ABCC1: variants seen among roughly 807,000 people sequenced by gnomAD.
The protein encoded by ABCC1 is ATP binding cassette subfamily C member 1 (ABCC1 blood group).
A neutral mutation model predicts 172.9 loss-of-function variants in ABCC1; 83 were observed. The observed-to-expected ratio is 0.48, with a 90% confidence interval of 0.40 to 0.58. The LOEUF is 0.58. Ranked by LOEUF, ABCC1 falls within the 20% of genes least tolerant of loss-of-function variation. ABCC1 has a pLI of 0.00. For synonymous variants in ABCC1, 937 were observed against 825.2 expected (o/e 1.14, Z -2.32); for missense variants, 1,817 against 2,002.7 (o/e 0.91, Z 1.77).
intron 1 of ABCC1, among the ~76,000 whole-genome samples, chr16:15,967,338 G>C (rs1237270373): frequency 6.6e-6 from 1 of 152,056 alleles, no homozygotes; most frequent in Non-Finnish European, 1.5e-5. Context: ...TCTGTCTGTA[G>C]GGTGGCCAGG....
intron 5 of ABCC1, among the ~76,000 whole-genome samples, chr16:16,023,460 A>G (rs1387754206): frequency 6.6e-6 from 1 of 152,176 alleles, no homozygotes; most frequent in Non-Finnish European, 1.5e-5. Flanking sequence ...CCCCTTCATG[A>G]TCAGTCTCTG....
chr16:16,132,021 C>G, intron 27 of ABCC1, 86 bp downstream of exon 27: 1 of 1,517,476 alleles, frequency 6.6e-7, no homozygotes, highest in Admixed American at 1.9e-5. Flanking sequence ...GCAGCGTCTC[C>G]CCAGTCACTC....
At chr16:16,065,513 A>G (rs2050078089) in intron 12 of ABCC1, among the ~76,000 whole-genome samples, 1 of 148,188 alleles carries the variant, frequency 6.7e-6, no homozygotes, top group South Asian at 2.2e-4. Context: ...GCTCACTGCA[A>G]CCTCCACCTC....
rs1487777584 is a variant in ABCC1 at position 16,114,812 on chromosome 16, C to A, written c.3126C>A (p.Ile1042=). The change falls in exon 23 of 31, where the codon ATC becomes ATA. Residue 1042 remains isoleucine, a synonymous_variant. Transcript: ENST00000399410. The part of the protein sequence containing the change: ...GYSMAVSIGG[I]LASRCLHVDL... ...CCATGGCCGTGTCCATCGGGGGGAT[C>A]TTGGCTTCCCGCTGTCTGCACGTGG... The A allele has an allele frequency of 6.2e-6, 10 of 1,608,908 alleles. No individual in the cohort carries two copies. Among genetic ancestry groups the A allele is most frequent in the Non-Finnish European group, 8.5e-6 (10 of 1,175,588 alleles).
chr16:16,026,488 TGCCAGTGAAGGGGGGACCC>T (rs2048379368), intron 5 of ABCC1, among the ~76,000 whole-genome samples: 1 of 130,662 alleles, frequency 7.7e-6, no homozygotes, highest in Non-Finnish European at 1.6e-5. Flanking sequence ...TTTTTTTTTT[TGCCAGTGAAGGGGGGACCC>T]TGTGTTGGCC....
intron 1 of ABCC1, among the ~76,000 whole-genome samples, chr16:15,959,117 G>T (rs992559192): frequency 6.6e-6 from 1 of 152,170 alleles, no homozygotes. Context: ...GTGGGCTGTC[G>T]AAATTCTAGT....
At chr16:16,078,992 CTT>C (rs1239052221) in intron 15 of ABCC1, among the ~76,000 whole-genome samples, 1 of 152,106 alleles carries the variant, frequency 6.6e-6, no homozygotes. Context: ...CCCAGTTTGT[CTT>C]GAGGTGTCCT....
intron 1 of ABCC1, among the ~76,000 whole-genome samples, chr16:15,990,535 C>G (rs955135136): frequency 1.3e-5 from 2 of 152,088 alleles, no homozygotes; most frequent in Non-Finnish European, 2.9e-5. Context: ...ATGAGTTTGT[C>G]TTTTTTAGAT....
intron 12 of ABCC1, among the ~76,000 whole-genome samples, chr16:16,067,784 T>A (rs989032892): frequency 6.6e-6 from 1 of 151,360 alleles, no homozygotes; most frequent in African/African-American, 2.4e-5. Context: ...GAGGGAGGAG[T>A]CAGGTGGCCC....
intron 5 of ABCC1, among the ~76,000 whole-genome samples, chr16:16,019,372 G>C (rs1312262090): frequency 1.3e-5 from 2 of 152,114 alleles, no homozygotes; most frequent in African/African-American, 4.8e-5. Flanking sequence ...CCAAAATGTT[G>C]GGATTACAGG....
At position 15,949,670 on chromosome 16, in the gene ABCC1, GCCCGGTGC is replaced by G. The variant is rs2045816739; in HGVS notation, c.-79_-72del. Reference sequence around the variant, plus strand: ...CAGCAGCCGGGCCCGATCACCCGCCGCCCGGTGCCCGCCGCCGCCCGCGCCAGCAACCG... The same window carrying G: ...CAGCAGCCGGGCCCGATCACCCGCCGCCGCCGCCGCCCGCGCCAGCAACCG... On this transcript the variant is annotated 5_prime_UTR_variant, in exon 1 of 31. Transcript: ENST00000399410. 7.6e-5 allele frequency: 67 copies of G among 876,090 alleles called. No individual in the cohort carries two copies. The highest frequency in any genetic ancestry group is 3.6e-4 in the East Asian group (3 of 8,340). The allele number at this position is 876,090 out of a possible 1,614,324, so 54.3% of individuals were successfully genotyped here.
At chr16:15,998,838 T>G (rs746447450) in intron 1 of ABCC1, among the ~76,000 whole-genome samples, 2 of 152,156 alleles carry the variant, frequency 1.3e-5, no homozygotes, top group Non-Finnish European at 2.9e-5. Context: ...CTCTGGGCAA[T>G]ACAGTGGTGG....
At chr16:15,978,947 C>G (rs1470579955) in intron 1 of ABCC1, among the ~76,000 whole-genome samples, 1 of 152,060 alleles carries the variant, frequency 6.6e-6, no homozygotes, top group Non-Finnish European at 1.5e-5. Flanking sequence ...AAACCCTGGG[C>G]TTATTAAGGC....
Position 16,064,674 on chromosome 16 carries a change from C to T in ABCC1, c.1678-3482C>T, listed in dbSNP as rs45539833. Among the ~76,000 whole-genome samples, 3 of 152,308 alleles carry T rather than the reference C, an allele frequency of 2.0e-5. No homozygotes were observed. In the East Asian group the frequency reaches 5.8e-4, roughly 29 times the overall value. On this transcript the variant is annotated intron_variant, in intron 12 of 30. Coordinates refer to ENST00000399410, the MANE Select transcript of ABCC1 (RefSeq NM_004996.4). ...AGACACCTGTGATGTGCTCTTCTGC[C>T]CTCAGGCAAATTCACCTACCCCGTC...
chr16:16,137,550 T>C (rs1161162913), intron 29 of ABCC1, among the ~76,000 whole-genome samples: 1 of 123,890 alleles, frequency 8.1e-6, no homozygotes, highest in African/African-American at 3.2e-5. Context: ...GAGGCCTTTT[T>C]TTTTTTTTTT....
At position 16,112,341 on chromosome 16, in the gene ABCC1, G is replaced by A. The variant is rs141379576; in HGVS notation, c.3079+759G>A. Reference sequence around the variant, plus strand: ...ATTGCACCACTGCCCTCCAGCCTGGGTGACAGAGCAAGACCCTGTCTCAAA... The same window carrying A: ...ATTGCACCACTGCCCTCCAGCCTGGATGACAGAGCAAGACCCTGTCTCAAA... On this transcript the variant is annotated intron_variant, in intron 22 of 30. Transcript: ENST00000399410. Among the ~76,000 whole-genome samples the A allele has an allele frequency of 5.2e-4, 79 of 151,188 alleles. No homozygotes were observed. In the East Asian group the frequency reaches 9.9e-3, roughly 19 times the overall value.
chr16:15,966,481 A>T (rs1007787695), intron 1 of ABCC1, among the ~76,000 whole-genome samples: 6 of 151,338 alleles, frequency 4.0e-5, no homozygotes, highest in Non-Finnish European at 7.4e-5. Flanking sequence ...ACCCGTGGCC[A>T]GGAAGAAAAT....
intron 5 of ABCC1, among the ~76,000 whole-genome samples, chr16:16,025,587 A>G (rs2048342274): frequency 1.3e-5 from 2 of 152,234 alleles, no homozygotes; most frequent in South Asian, 4.1e-4. Flanking sequence ...AAAACCCGTT[A>G]GAACTAAAAG....
chr16:16,110,069 G>GCCAC (rs754202910), intron 21 of ABCC1, among the ~76,000 whole-genome samples: 10 of 150,444 alleles, frequency 6.6e-5, no homozygotes, highest in Non-Finnish European at 1.2e-4. Flanking sequence ...TGCTGGTTCT[G>GCCAC]CCACCTTTTT....
Sources: gnomAD v4.1 joint callset for allele counts (sites outside exome capture counted in the v4.1 genomes callset) on GRCh38, gnomAD v4.1.1 for gene constraint, MANE v1.5 for transcripts, NCBI Gene and HGNC (gene_info 2026-07-23, HGNC 2026-07-21) for gene names.